Variants in ABCC11 observed in about 807,000 individuals in gnomAD.
ABCC11 encodes the protein ATP binding cassette subfamily C member 11.
Under a neutral mutation model 149.3 loss-of-function variants are expected in ABCC11, and 135 were observed. That is an observed-to-expected ratio of 0.90 (90% confidence interval 0.79 to 1.04). The LOEUF is 1.04. ABCC11 is among the 50% of genes least tolerant of loss of function. The pLI is 0.00. For synonymous variants in ABCC11, 665 were observed against 671.4 expected (o/e 0.99, Z 0.15); for missense variants, 1,680 against 1,722.1 (o/e 0.98, Z 0.43).
intron 26 of ABCC11, 105 bp from the exon 27 acceptor site, chr16:48,171,072 G>A (rs1965686794): frequency 1.9e-6 from 2 of 1,026,366 alleles, no homozygotes; most frequent in Non-Finnish European, 3.0e-6. Flanking sequence ...TGGATTATGG[G>A]GTTTAGGGAA....
intron 17 of ABCC11, 49 bp downstream of exon 17, chr16:48,197,922 G>A (rs112774073): frequency 3.1e-6 from 5 of 1,593,040 alleles, no homozygotes; most frequent in African/African-American, 1.3e-5. Flanking sequence ...ACCTCTGGAG[G>A]ACCCAGGCAG....
chr16:48,204,492 G>A (rs781400175), intron 13 of ABCC11, among the ~76,000 whole-genome samples: 6 of 152,178 alleles, frequency 3.9e-5, no homozygotes, highest in South Asian at 2.1e-4. Context: ...AATTAGATGT[G>A]GAAGAAATCA....
chr16:48,244,605 C>T (rs1971238192), intron 1 of ABCC11: 2 of 1,478,302 alleles, frequency 1.4e-6, no homozygotes, highest in South Asian at 1.3e-5. Flanking sequence ...CGCGCAGGAC[C>T]TGCCGCCGCT....
At chr16:48,194,176 C>T (rs1967181895) in intron 18 of ABCC11, among the ~76,000 whole-genome samples, 194 bp from the exon 19 acceptor site, 1 of 152,218 alleles carries the variant, frequency 6.6e-6, no homozygotes, top group South Asian at 2.1e-4. Flanking sequence ...GGCTCCACCA[C>T]TTCCAAACCG....
chr16:48,181,764 C>T (rs1268772218), intron 23 of ABCC11, among the ~76,000 whole-genome samples: 1 of 152,196 alleles, frequency 6.6e-6, no homozygotes, highest in African/African-American at 2.4e-5. Context: ...GCACCTGCCA[C>T]CACGCCAGGC....
intron 17 of ABCC11, among the ~76,000 whole-genome samples, chr16:48,197,122 C>A (rs1485348444): frequency 6.6e-6 from 1 of 152,060 alleles, no homozygotes; most frequent in Non-Finnish European, 1.5e-5. Flanking sequence ...CTCAGGAGTT[C>A]GAGATCAGCC....
At chr16:48,205,957 C>A (rs1218077313) in intron 12 of ABCC11, among the ~76,000 whole-genome samples, 2 of 152,142 alleles carry the variant, frequency 1.3e-5, no homozygotes, top group East Asian at 3.9e-4. Flanking sequence ...ACTACTGGCG[C>A]CTGCCACCAC....
chr16:48,207,597 G>A (rs1462194079), intron 12 of ABCC11, among the ~76,000 whole-genome samples: 2 of 152,034 alleles, frequency 1.3e-5, no homozygotes, highest in Non-Finnish European at 2.9e-5. Flanking sequence ...AACCCTGGAG[G>A]CAGAGGTTGC....
chr16:48,174,258 C>A (rs1292084559), intron 26 of ABCC11, among the ~76,000 whole-genome samples: 1 of 152,186 alleles, frequency 6.6e-6, no homozygotes, highest in Non-Finnish European at 1.5e-5. Context: ...ATTAAACTGG[C>A]TCCAGTCCCT....
rs28654935 is a variant in ABCC11 at position 48,216,307 on chromosome 16, T to C, written c.778-20A>G. On this transcript the variant is annotated intron_variant, in intron 6 of 29. Transcript: ENST00000356608. ...GATGGCCTGCAAGACAGCAAGTTGA[T>C]GGGCACAGATGTCACCTCCCTGGGT... is the stretch of plus-strand genomic sequence containing the variant. 154,243 of 1,606,418 alleles carry C rather than the reference T, an allele frequency of 0.096. 9,047 individuals are homozygous for C. The highest frequency in any genetic ancestry group is 0.28 in the African/African-American group (20,568 of 74,722).
chr16:48,167,747 G>A (rs943590839), intron 28 of ABCC11, 87 bp from the exon 29 acceptor site: 28 of 1,441,646 alleles, frequency 1.9e-5, no homozygotes, highest in Non-Finnish European at 2.6e-5. Context: ...ATTCACCAGG[G>A]CCCTTCCTCT....
At chr16:48,168,544 A>G (rs1191107655) in intron 28 of ABCC11, among the ~76,000 whole-genome samples, 1 of 152,228 alleles carries the variant, frequency 6.6e-6, no homozygotes, top group Non-Finnish European at 1.5e-5. Flanking sequence ...GTGCATATGC[A>G]TGCATAAGTA....
chr16:48,226,719 G>A (rs8056100), intron 4 of ABCC11, among the ~76,000 whole-genome samples: 19,991 of 152,068 alleles, frequency 0.13, 1,623 homozygotes, highest in African/African-American at 0.23. Flanking sequence ...TTACCAAATA[G>A]GTCTGAGAAG....
intron 1 of ABCC11, among the ~76,000 whole-genome samples, chr16:48,242,480 CAG>C (rs1172835667): frequency 6.6e-6 from 1 of 152,160 alleles, no homozygotes; most frequent in African/African-American, 2.4e-5. Context: ...TTGTGGAAGA[CAG>C]TGTGGCAATT....
chr16:48,205,291 T>C (rs1303868960), intron 13 of ABCC11, 122 bp downstream of exon 13: 1 of 1,388,894 alleles, frequency 7.2e-7, no homozygotes, highest in Non-Finnish European at 9.9e-7. Context: ...GGGGTGAATA[T>C]GATAATGCGT....
At chr16:48,216,441 C>A (rs553906713) in intron 6 of ABCC11, among the ~76,000 whole-genome samples, 154 bp from the exon 7 acceptor site, 7 of 152,302 alleles carry the variant, frequency 4.6e-5, no homozygotes, top group Admixed American at 4.6e-4. Flanking sequence ...TCTTTCTTCT[C>A]TCTGGCTGTG....
chr16:48,169,491 G>C (rs1317030625), intron 28 of ABCC11, among the ~76,000 whole-genome samples: 5 of 152,032 alleles, frequency 3.3e-5, no homozygotes, highest in Admixed American at 2.0e-4. Flanking sequence ...CCCATTTCTT[G>C]TTTTTGTCAG....
intron 4 of ABCC11, 55 bp downstream of exon 4, chr16:48,227,751 C>T: frequency 6.2e-7 from 1 of 1,608,748 alleles, no homozygotes; most frequent in South Asian, 1.1e-5. Flanking sequence ...TGGTCATTAT[C>T]CCACCAAGAG....
rs527760304 is a variant in ABCC11 at position 48,169,584 on chromosome 16, C to T, written c.3891+521G>A. ...ATATACACCATGGAATACTATGCAG[C>T]CGTAAAAAAGGATGAGTTCATGTCC... On this transcript the variant is annotated intron_variant, in intron 28 of 29. Coordinates refer to ENST00000356608, the MANE Select transcript of ABCC11 (RefSeq NM_001370497.1). Among the ~76,000 whole-genome samples the T allele has an allele frequency of 4.0e-5, 6 of 151,856 alleles. No individual in the cohort carries two copies. In the East Asian group the frequency reaches 1.2e-3, roughly 29 times the overall value.
Sources: gnomAD v4.1 joint callset for allele counts (sites outside exome capture counted in the v4.1 genomes callset) on GRCh38, gnomAD v4.1.1 for gene constraint, MANE v1.5 for transcripts, NCBI Gene and HGNC (gene_info 2026-07-23, HGNC 2026-07-21) for gene names.